The following BTRC variants were observed in gnomAD, a reference collection of about 807,000 sequenced individuals.
BTRC encodes beta-transducin repeat containing E3 ubiquitin protein ligase, also known as F-box/WD repeat-containing protein 1A.
A neutral mutation model predicts 85.5 loss-of-function variants in BTRC; 42 were observed. The ratio of observed to expected loss-of-function variants is 0.49; its 90% CI spans 0.38 to 0.64. BTRC has a LOEUF of 0.64. BTRC is among the 30% of genes least tolerant of loss of function. The pLI is 0.00. For missense variants in BTRC, 594 were observed against 743.5 expected (o/e 0.80, Z 2.34); for synonymous variants, 255 against 263.3 (o/e 0.97, Z 0.30).
chr10:101,447,902 C>G (rs1412265538), intron 2 of BTRC, among the ~76,000 whole-genome samples: 1 of 151,922 alleles, frequency 6.6e-6, no homozygotes, highest in African/African-American at 2.4e-5. Context: ...CTTTAATCAA[C>G]CAAGTATTAT....
At chr10:101,549,981 G>A (rs553427199) in intron 13 of BTRC, among the ~76,000 whole-genome samples, 52 of 152,176 alleles carry the variant, frequency 3.4e-4, no homozygotes, top group East Asian at 7.7e-4. Flanking sequence ...GAAATCTACC[G>A]ATGGTTTTAC....
chr10:101,556,027 G>C lies in BTRC; in HGVS notation c.*2904G>C, dbSNP rs1444946109. The C allele has an allele frequency of 6.6e-6, 1 of 152,180 alleles. No individual in the cohort carries two copies. Among genetic ancestry groups the C allele is most frequent in the African/African-American group, 2.4e-5 (1 of 41,432 alleles). The allele number at this position is 152,180 out of a possible 1,614,324, so 9.4% of individuals were successfully genotyped here. ...AAAGGATGTGAATCATGGATGGAAGGCCATTTGTACATGTCCCTTGGCAAA... is the reference window on the plus strand; with the variant it reads ...AAAGGATGTGAATCATGGATGGAAGCCCATTTGTACATGTCCCTTGGCAAA... On this transcript the variant is annotated 3_prime_UTR_variant, in exon 15 of 15. Transcript: ENST00000370187.
chr10:101,470,254 G>T (rs1335191554), intron 3 of BTRC, among the ~76,000 whole-genome samples: 3 of 151,092 alleles, frequency 2.0e-5, no homozygotes, highest in Non-Finnish European at 4.4e-5. Flanking sequence ...ACAGTCTATG[G>T]TTTGCCTGTT....
At position 101,430,398 on chromosome 10, in the gene BTRC, G is replaced by A. The variant is rs1944371052; in HGVS notation, c.102G>A (p.Met34Ile). Residue 34 changes from methionine (M) to isoleucine (I), a missense_variant, in exon 2 of 15, where the codon ATG becomes ATA. Around this residue, in one of 4 missense-constraint regions of BTRC, gnomAD observed 163 missense variants for 180.5 expected, o/e 0.90. Coordinates refer to ENST00000370187, the MANE Select transcript of BTRC (RefSeq NM_033637.4). ...WLGCSSLADS[M>I]PSLRCLYNPG... ...GCTGCTCCAGCCTGGCGGACAGCAT[G>A]CCTTCGCTGCGATGCCTGTATAACC... The A allele has an allele frequency of 1.9e-6, 3 of 1,614,114 alleles. No individual in the cohort carries two copies. Among genetic ancestry groups the A allele is most frequent in the Non-Finnish European group, 2.5e-6 (3 of 1,179,994 alleles).
Position 101,536,309 on chromosome 10 carries a change from G to T in BTRC, c.1467-234G>T, listed in dbSNP as rs79394936. The stretch of plus-strand genomic sequence containing the variant: ...TGGAAGAACCTGTTTACAGAATTAT[G>T]TAAAGCCCTGTGCTTTGAAAATACA... On this transcript the variant is annotated intron_variant, in intron 11 of 14. Transcript: ENST00000370187. Among the ~76,000 whole-genome samples, 281 of 152,320 alleles carry T rather than the reference G, an allele frequency of 1.8e-3. 7 individuals carry two copies. The East Asian group carries it at 0.045, about 24-fold the overall frequency.
intron 4 of BTRC, among the ~76,000 whole-genome samples, chr10:101,489,989 TTAGTC>T (rs757763743): frequency 1.1e-4 from 17 of 152,176 alleles, no homozygotes; most frequent in Admixed American, 2.6e-4. Context: ...GAAATTTTCA[TTAGTC>T]TAGTCCTTTG....
At chr10:101,363,552 G>A (rs764538656) in intron 1 of BTRC, among the ~76,000 whole-genome samples, 25 of 151,990 alleles carry the variant, frequency 1.6e-4, no homozygotes, top group Non-Finnish European at 2.6e-4. Flanking sequence ...TCCACCTCCC[G>A]GGTTCAAGTG....
intron 1 of BTRC, among the ~76,000 whole-genome samples, chr10:101,364,025 A>G (rs2134490001): frequency 6.6e-6 from 1 of 152,242 alleles, no homozygotes; most frequent in East Asian, 1.9e-4. Flanking sequence ...ACTCAAAGTC[A>G]AAAGCCCAAA....
chr10:101,532,919 C>A, intron 8 of BTRC, 33 bp from the exon 9 acceptor site: 1 of 1,523,308 alleles, frequency 6.6e-7, no homozygotes, highest in Non-Finnish European at 9.1e-7. Flanking sequence ...CCCATCATCA[C>A]ATTGATCAAA....
chr10:101,385,897 A>T (rs1415802045), intron 1 of BTRC, among the ~76,000 whole-genome samples: 1 of 151,942 alleles, frequency 6.6e-6, no homozygotes, highest in Non-Finnish European at 1.5e-5. Context: ...TTATTTTAAT[A>T]TAACTAAGTT....
chr10:101,521,687 A>G lies in BTRC; in HGVS notation c.373A>G (p.Lys125Glu), dbSNP rs1375626692. Reference protein sequence around the residue: ...TSSMIVPKQRKLSASYEKEKE... With the variant: ...TSSMIVPKQRELSASYEKEKE... ...CAGTATGATTGTGCCCAAGCAACGG[A>G]AACTCTCAGCAAGCTATGAAAAGGA... The change falls in exon 5 of 15, where the codon AAA (lysine) becomes GAA (glutamate). Residue 125 changes from lysine (K) to glutamate (E), a missense_variant. By Grantham distance (56) the Lys-to-Glu change is moderately conservative (BLOSUM62 1). This residue lies in a region of BTRC where 163 missense variants were observed against 180.5 expected (regional missense o/e 0.90). Transcript: ENST00000370187. 1 of 1,614,208 alleles carries G rather than the reference A, an allele frequency of 6.2e-7. No homozygotes were observed. Among genetic ancestry groups the G allele is most frequent in the Admixed American group, 1.7e-5 (1 of 60,028 alleles).
At chr10:101,464,602 A>G (rs1261967711) in intron 3 of BTRC, among the ~76,000 whole-genome samples, 4 of 129,892 alleles carry the variant, frequency 3.1e-5, no homozygotes, top group African/African-American at 8.8e-5. Flanking sequence ...TTGAGATCCA[A>G]GCTCTGGAGA....
chr10:101,481,083 A>G (rs1015864100), intron 4 of BTRC, among the ~76,000 whole-genome samples: 45 of 152,008 alleles, frequency 3.0e-4, no homozygotes, highest in African/African-American at 9.7e-4. Flanking sequence ...CACCACACCC[A>G]GCTAATTTTT....
chr10:101,543,463 T>G (rs2134452924), intron 13 of BTRC, among the ~76,000 whole-genome samples: 1 of 151,720 alleles, frequency 6.6e-6, no homozygotes, highest in African/African-American at 2.4e-5. Context: ...TGTTTTTTTT[T>G]GTTTTTTTTT....
intron 4 of BTRC, among the ~76,000 whole-genome samples, chr10:101,491,893 G>GT (rs920780692): frequency 1.2e-4 from 18 of 151,742 alleles, no homozygotes; most frequent in African/African-American, 2.9e-4. Context: ...GAAGAAATAG[G>GT]TTTTTTTTAA....
intron 13 of BTRC, among the ~76,000 whole-genome samples, chr10:101,542,390 A>C (rs1172510310): frequency 1.3e-5 from 2 of 152,132 alleles, no homozygotes; most frequent in Admixed American, 6.5e-5. Flanking sequence ...AGTAATTCTA[A>C]TCACTACTTT....
At chr10:101,490,580 C>G (rs1168908624) in intron 4 of BTRC, among the ~76,000 whole-genome samples, 1 of 152,218 alleles carries the variant, frequency 6.6e-6, no homozygotes, top group Non-Finnish European at 1.5e-5. Context: ...TTGGAGGCCT[C>G]TGCACCTCTC....
intron 1 of BTRC, among the ~76,000 whole-genome samples, chr10:101,366,792 TTACA>T (rs1590205026): frequency 9.1e-5 from 8 of 88,086 alleles, no homozygotes; most frequent in Admixed American, 2.1e-4. Flanking sequence ...ATATATATTT[TTACA>T]TTTATATATA....
chr10:101,439,093 TTTGA>T (rs1162170228), intron 2 of BTRC, among the ~76,000 whole-genome samples: 1 of 152,182 alleles, frequency 6.6e-6, no homozygotes, highest in Admixed American at 6.5e-5. Flanking sequence ...AGGTGAGATA[TTTGA>T]TTGACAAGTC....
Sources: allele counts gnomAD v4.1 joint callset (sites outside exome capture counted in the v4.1 genomes callset), GRCh38; gene constraint gnomAD v4.1.1; regional missense constraint gnomAD v4.1.1; transcripts MANE v1.5; gene names NCBI Gene and HGNC (gene_info 2026-07-23, HGNC 2026-07-21).